Variants in RPAP2 observed in about 807,000 individuals in gnomAD.
RPAP2 encodes the protein RNA polymerase II associated protein 2.
Under a neutral mutation model 73.1 loss-of-function variants are expected in RPAP2, and 52 were observed. The ratio of observed to expected loss-of-function variants is 0.71; its 90% CI spans 0.57 to 0.90. RPAP2 has a LOEUF of 0.90. Among genes scored for constraint, RPAP2 ranks in the 40% least tolerant of loss-of-function variants. The probability of loss-of-function intolerance (pLI) is 0.00; values close to 1 mark genes in which losing one functional copy is unlikely to be tolerated. For synonymous variants in RPAP2, 225 were observed against 242.1 expected (o/e 0.93, Z 0.65); for missense variants, 598 against 701.8 (o/e 0.85, Z 1.67).
At chr1:92,313,257 T>C (rs914703125) in intron 6 of RPAP2, among the ~76,000 whole-genome samples, 2 of 152,226 alleles carry the variant, frequency 1.3e-5, no homozygotes, top group African/African-American at 2.4e-5. Context: ...AATCACTCTA[T>C]GGCAACTATA....
intron 12 of RPAP2, among the ~76,000 whole-genome samples, chr1:92,381,926 C>A (rs1409987190): frequency 7.5e-6 from 1 of 132,706 alleles, no homozygotes; most frequent in African/African-American, 2.7e-5. Context: ...CCCCACCCCC[C>A]ACCCCACAAC....
rs776194425 is a variant in RPAP2, at chr1:92,301,573, G to C, written c.217G>C (p.Glu73Gln). 6.7e-7 allele frequency: 1 copy of C among 1,501,284 alleles called. No homozygotes were observed. Among genetic ancestry groups the C allele is most frequent in the Non-Finnish European group, 9.1e-7 (1 of 1,100,542 alleles). 93.0% of individuals were successfully genotyped at this position (1,501,284 alleles called of 1,614,324 possible). A position where few individuals can be genotyped will look rare whatever the true frequency, so the allele number is the denominator to read the frequency against. Residue 73 changes from glutamate to glutamine, a missense_variant, in exon 3 of 13, where the codon GAG becomes CAG. Glu to Gln is a conservative substitution (Grantham distance 29). Around this residue, in one of 3 missense-constraint regions of RPAP2, gnomAD observed 506 missense variants for 612.8 expected, o/e 0.83. Transcript: ENST00000610020. ...GCTTTTAGAGGAGAATATTACAGAA[G>C]AGTTCCTAATGGAGTGTGTATGTGT... ...EQLLEENITE[E>Q]FLMECGRFIT...
intron 6 of RPAP2, among the ~76,000 whole-genome samples, chr1:92,309,295 A>T (rs755500921): frequency 2.6e-4 from 39 of 152,006 alleles, no homozygotes; most frequent in Non-Finnish European, 5.1e-4. Flanking sequence ...TACAAAAATT[A>T]GCTGGACGTG....
intron 11 of RPAP2, among the ~76,000 whole-genome samples, chr1:92,351,305 C>CAAAAAAAAAAAAAAAAAAA (rs60111119): frequency 3.0e-4 from 26 of 86,830 alleles, no homozygotes; most frequent in African/African-American, 1.1e-3. Flanking sequence ...GACTCTGTCT[C>CAAAAAAAAAAAAAAAAAAA]AAAAAAAAAA....
rs1333699229 is a variant in RPAP2, at chr1:92,388,181, A to G, written c.*1170A>G. ...AAAATTGTGTTCACAATATCACCAA[A>G]GAGAATTAAATACTTAGGAATAAAT... On this transcript the variant is annotated 3_prime_UTR_variant, in exon 13 of 13. Coordinates refer to ENST00000610020, the MANE Select transcript of RPAP2 (RefSeq NM_024813.3). 6.6e-6 allele frequency: 1 copy of G among 152,240 alleles called. No homozygotes were observed. The highest frequency in any genetic ancestry group is 2.4e-5 in the African/African-American group (1 of 41,468). 9.4% of individuals were successfully genotyped at this position (152,240 alleles called of 1,614,324 possible).
intron 10 of RPAP2, 143 bp from the exon 11 acceptor site, chr1:92,345,703 T>C: frequency 1.7e-6 from 1 of 581,888 alleles, no homozygotes; most frequent in Non-Finnish European, 3.0e-6. Context: ...ATTATACTAT[T>C]GACTCTTTCC....
chr1:92,338,714 G>A (rs1571085805), intron 10 of RPAP2, among the ~76,000 whole-genome samples: 1 of 149,554 alleles, frequency 6.7e-6, no homozygotes, highest in African/African-American at 2.5e-5. Flanking sequence ...TCAGTGATGC[G>A]ATCATGGCTC....
intron 11 of RPAP2, among the ~76,000 whole-genome samples, chr1:92,371,319 A>ATATATATATATATATATAT (rs1553155687): frequency 4.4e-4 from 27 of 61,702 alleles, no homozygotes; most frequent in African/African-American, 1.9e-3. Flanking sequence ...AAAAAAAAAA[A>ATATATATATATATATATAT]ATATATATAT....
intron 5 of RPAP2, among the ~76,000 whole-genome samples, chr1:92,305,223 G>A (rs1408332945): frequency 6.6e-6 from 1 of 151,842 alleles, no homozygotes; most frequent in African/African-American, 2.4e-5. Context: ...ACGAGGTCAG[G>A]AAATCGAGAC....
chr1:92,352,137 C>T (rs146767885), intron 11 of RPAP2, among the ~76,000 whole-genome samples: 1 of 152,156 alleles, frequency 6.6e-6, no homozygotes, highest in East Asian at 1.9e-4. Flanking sequence ...AAAATGTCTG[C>T]TTTCATTTTA....
intron 3 of RPAP2, among the ~76,000 whole-genome samples, chr1:92,302,664 G>C (rs1192192341): frequency 2.1e-5 from 3 of 139,904 alleles, no homozygotes; most frequent in African/African-American, 5.2e-5. Flanking sequence ...TGCAGTGGCG[G>C]GATCTCTGCT....
In RPAP2 at chr1:92,398,688, C is replaced by G. The variant is rs532792124; in HGVS notation, c.*11677C>G. On this transcript the variant is annotated 3_prime_UTR_variant, in exon 13 of 13. Coordinates refer to ENST00000610020, the MANE Select transcript of RPAP2 (RefSeq NM_024813.3). Reference sequence around the variant, plus strand: ...GACTGGCTCCTGGGACTTTGCCATCCAGGCCAAGAAGCATGCTCCAGTGTG... The same window carrying G: ...GACTGGCTCCTGGGACTTTGCCATCGAGGCCAAGAAGCATGCTCCAGTGTG... 1 of 152,272 alleles carries G rather than the reference C, an allele frequency of 6.6e-6. No homozygotes were observed. Among genetic ancestry groups the G allele is most frequent in the Non-Finnish European group, 1.5e-5 (1 of 68,064 alleles). 9.4% of individuals were successfully genotyped at this position (152,272 alleles called of 1,614,324 possible).
rs1171394913 is a variant in RPAP2, at chr1:92,401,526, C to T, written c.*14515C>T. On this transcript the variant is annotated 3_prime_UTR_variant, in exon 13 of 13. Coordinates refer to ENST00000610020, the MANE Select transcript of RPAP2 (RefSeq NM_024813.3). ...ACTTGTTCTTTGCCAACCCATATGT[C>T]TTGCCTTACTGCCCTGGTTAGGACC... 1 of 152,212 alleles carries T rather than the reference C, an allele frequency of 6.6e-6. No individual in the cohort carries two copies. Among genetic ancestry groups the T allele is most frequent in the East Asian group, 1.9e-4 (1 of 5,206 alleles). 9.4% of individuals were successfully genotyped at this position (152,212 alleles called of 1,614,324 possible). A position where few individuals can be genotyped will look rare whatever the true frequency, so the allele number is the denominator to read the frequency against.
intron 10 of RPAP2, 52 bp downstream of exon 10, chr1:92,336,479 T>C (rs886153602): frequency 4.0e-6 from 5 of 1,253,586 alleles, no homozygotes; most frequent in Non-Finnish European, 5.8e-6. Context: ...CTTTATTTAT[T>C]GCCTTGCAGA....
intron 11 of RPAP2, among the ~76,000 whole-genome samples, chr1:92,367,936 T>C (rs1167064743): frequency 6.6e-6 from 1 of 152,230 alleles, no homozygotes; most frequent in Non-Finnish European, 1.5e-5. Flanking sequence ...CTGTCCAGTT[T>C]TGAAAGTCAG....
In RPAP2 at chr1:92,393,777, A is replaced by T. The variant is rs541699536; in HGVS notation, c.*6766A>T. 1.3e-5 allele frequency: 2 copies of T among 152,234 alleles called. No individual in the cohort carries two copies. Among genetic ancestry groups the T allele is most frequent in the Non-Finnish European group, 2.9e-5 (2 of 68,044 alleles). The allele number at this position is 152,234 out of a possible 1,614,324, so 9.4% of individuals were successfully genotyped here. Reference sequence around the variant, plus strand: ...AAATGAAAATCAAAACCACAGTGAGATACCATCTCATGCCAGTTAGAATGG... The same window carrying T: ...AAATGAAAATCAAAACCACAGTGAGTTACCATCTCATGCCAGTTAGAATGG... On this transcript the variant is annotated 3_prime_UTR_variant, in exon 13 of 13. Coordinates refer to ENST00000610020, the MANE Select transcript of RPAP2 (RefSeq NM_024813.3).
chr1:92,308,914 C>T (rs939820466), intron 6 of RPAP2, among the ~76,000 whole-genome samples: 11 of 151,858 alleles, frequency 7.2e-5, no homozygotes, highest in African/African-American at 2.7e-4. Context: ...GAGCCAAGAT[C>T]GTGCTGCTGA....
intron 11 of RPAP2, among the ~76,000 whole-genome samples, chr1:92,378,453 T>C (rs528366952): frequency 1.2e-4 from 19 of 152,258 alleles, no homozygotes; most frequent in African/African-American, 4.6e-4. Flanking sequence ...GACCAAATGA[T>C]CCGCCCACCT....
In RPAP2 at chr1:92,324,064, A is replaced by C; in HGVS notation, c.1144A>C (p.Thr382Pro). The C allele has an allele frequency of 6.2e-7, 1 of 1,614,056 alleles. No individual in the cohort carries two copies. The highest frequency in any genetic ancestry group is 8.5e-7 in the Non-Finnish European group (1 of 1,179,966). Reference sequence around the variant, plus strand: ...TTTGATTGAGTGGAAGACAGAAGAAACATTGAGGTTTTTGTATGGCCAGAA... The same window carrying C: ...TTTGATTGAGTGGAAGACAGAAGAACCATTGAGGTTTTTGTATGGCCAGAA... ...ETLIEWKTEE[T>P]LRFLYGQNYA... Residue 382 changes from threonine to proline, a missense_variant, in exon 8 of 13, where the codon ACA (threonine) becomes CCA (proline). Transcript: ENST00000610020.
Sources: allele counts gnomAD v4.1 joint callset (sites outside exome capture counted in the v4.1 genomes callset), GRCh38; gene constraint gnomAD v4.1.1; regional missense constraint gnomAD v4.1.1; transcripts MANE v1.5; gene names NCBI Gene and HGNC (gene_info 2026-07-23, HGNC 2026-07-21).